SMAP1: variants seen among roughly 807,000 people sequenced by gnomAD.
SMAP1 encodes stromal membrane-associated protein 1.
SMAP1 carries 24 observed loss-of-function variants against 58.5 expected under a neutral mutation model. That is an observed-to-expected ratio of 0.41 (90% CI 0.30 to 0.58). The LOEUF (loss-of-function observed/expected upper bound fraction) is 0.58, where lower values mean the gene tolerates loss of function less well. Among genes scored for constraint, SMAP1 ranks in the 20% least tolerant of loss-of-function variants. The pLI is 0.29. For synonymous variants in SMAP1, 216 were observed against 196.6 expected (o/e 1.10, Z -0.82); for missense variants, 563 against 566.3 (o/e 0.99, Z 0.06).
At chr6:70,843,656 A>C (rs1770882924) in intron 7 of SMAP1, among the ~76,000 whole-genome samples, 1 of 152,198 alleles carries the variant, frequency 6.6e-6, no homozygotes, top group Non-Finnish European at 1.5e-5. Flanking sequence ...CGAAATAGAC[A>C]TTGGACCCAT....
Position 70,861,995 on chromosome 6 carries a change from A to T in SMAP1, c.*1661A>T. 6.4e-7 allele frequency: 1 copy of T among 1,567,224 alleles called. No homozygotes were observed. The highest frequency in any genetic ancestry group is 8.6e-7 in the Non-Finnish European group (1 of 1,162,202). On this transcript the variant is annotated 3_prime_UTR_variant, in exon 11 of 11. Transcript: ENST00000370455. ...CAGCAAATCCTTTGTGAAAAATAAAAAAAAAAAAGAGACTTTAAAATCCTG... is the reference window on the plus strand; with the variant it reads ...CAGCAAATCCTTTGTGAAAAATAAATAAAAAAAAGAGACTTTAAAATCCTG...
intron 1 of SMAP1, among the ~76,000 whole-genome samples, chr6:70,694,781 G>A (rs1057136440): frequency 1.3e-5 from 2 of 152,184 alleles, no homozygotes; most frequent in Non-Finnish European, 2.9e-5. Context: ...TATAGGGTTT[G>A]GGGGTAAAGG....
At chr6:70,682,194 TTTTTTTTTTTTTG>T (rs1766743641) in intron 1 of SMAP1, among the ~76,000 whole-genome samples, 2 of 94,216 alleles carry the variant, frequency 2.1e-5, no homozygotes, top group Non-Finnish European at 4.9e-5. Flanking sequence ...TTTTTTTTTT[TTTTTTTTTTTTTG>T]AGATAGAGTC....
At chr6:70,850,880 G>A (rs371195469) in intron 7 of SMAP1, among the ~76,000 whole-genome samples, 60 of 152,072 alleles carry the variant, frequency 3.9e-4, no homozygotes, top group African/African-American at 1.4e-3. Context: ...ACAAAGTAGC[G>A]CTTTAAGGAG....
rs577312215 is a variant in SMAP1 at position 70,679,219 on chromosome 6, A to C, written c.118+11078A>C. 5.9e-5 allele frequency among the ~76,000 whole-genome samples: 9 copies of C among 152,090 alleles called. No homozygotes were observed. The South Asian group carries it at 1.0e-3, about 18-fold the overall frequency. ...TTTTTGGTAGAGACGGAGTTTTGCT[A>C]TGTTGGCCAGGCTGGTCTCAAACCC... On this transcript the variant is annotated intron_variant, in intron 1 of 10. Coordinates refer to ENST00000370455, the MANE Select transcript of SMAP1 (RefSeq NM_001044305.3).
intron 1 of SMAP1, among the ~76,000 whole-genome samples, chr6:70,693,293 ATCT>A (rs1462352137): frequency 4.2e-5 from 5 of 120,080 alleles, no homozygotes; most frequent in Admixed American, 9.6e-5. Context: ...GAAGAATGTC[ATCT>A]TCTTTTTTTT....
chr6:70,850,334 T>G (rs1771136418), intron 7 of SMAP1, among the ~76,000 whole-genome samples: 1 of 152,154 alleles, frequency 6.6e-6, no homozygotes, highest in Non-Finnish European at 1.5e-5. Flanking sequence ...TTTCTCATGT[T>G]AAATTTTTTT....
chr6:70,743,349 C>T (rs577503324), intron 2 of SMAP1, among the ~76,000 whole-genome samples: 1 of 152,246 alleles, frequency 6.6e-6, no homozygotes, highest in African/African-American at 2.4e-5. Context: ...GTTTTTCTAC[C>T]TATGCCTTTC....
chr6:70,685,118 A>AT (rs1239152387), intron 1 of SMAP1, among the ~76,000 whole-genome samples: 1 of 151,804 alleles, frequency 6.6e-6, no homozygotes, highest in Non-Finnish European at 1.5e-5. Context: ...TTTGGTAATT[A>AT]TGCCAGGTCT....
chr6:70,728,497 G>A (rs559239708), intron 1 of SMAP1, among the ~76,000 whole-genome samples: 19 of 152,160 alleles, frequency 1.2e-4, no homozygotes, highest in Non-Finnish European at 2.5e-4. Flanking sequence ...AAACATTTGA[G>A]TATTTGACTG....
At chr6:70,670,361 A>G (rs768862893) in intron 1 of SMAP1, among the ~76,000 whole-genome samples, 67 of 152,234 alleles carry the variant, frequency 4.4e-4, no homozygotes, top group Admixed American at 7.2e-4. Flanking sequence ...ATCACAGGTA[A>G]GGCCACTTAT....
At chr6:70,783,553 A>G (rs1289205417) in intron 4 of SMAP1, among the ~76,000 whole-genome samples, 1 of 152,114 alleles carries the variant, frequency 6.6e-6, no homozygotes, top group Non-Finnish European at 1.5e-5. Flanking sequence ...AAAAACTTTG[A>G]AAAAAAATTA....
intron 2 of SMAP1, among the ~76,000 whole-genome samples, chr6:70,751,882 A>G (rs558299346): frequency 1.6e-4 from 24 of 152,280 alleles, no homozygotes; most frequent in African/African-American, 5.5e-4. Context: ...ACAAAAGTAC[A>G]TGTCACTTAT....
chr6:70,731,691 T>A (rs1282725535), intron 1 of SMAP1, among the ~76,000 whole-genome samples: 2 of 152,262 alleles, frequency 1.3e-5, no homozygotes, highest in Non-Finnish European at 2.9e-5. Flanking sequence ...GTGACCTTTT[T>A]TAATGTCAGT....
In SMAP1 at chr6:70,860,822, C is replaced by T; in HGVS notation, c.*488C>T. 2 of 396,932 alleles carry T rather than the reference C, an allele frequency of 5.0e-6. No homozygotes were observed. Among genetic ancestry groups the T allele is most frequent in the Non-Finnish European group, 4.4e-6 (1 of 224,830 alleles). The allele number at this position is 396,932 out of a possible 1,614,324, so 24.6% of individuals were successfully genotyped here. On this transcript the variant is annotated 3_prime_UTR_variant, in exon 11 of 11. Transcript: ENST00000370455. ...GTGTATCAAAATGCTCTTATTTCATCATTCACTTCACTGTGCTGTTGTTAT... is the reference window on the plus strand; with the variant it reads ...GTGTATCAAAATGCTCTTATTTCATTATTCACTTCACTGTGCTGTTGTTAT...
chr6:70,727,820 T>G (rs1031521017), intron 1 of SMAP1, among the ~76,000 whole-genome samples: 2 of 152,158 alleles, frequency 1.3e-5, no homozygotes, highest in Non-Finnish European at 2.9e-5. Context: ...CCCAGCAGTT[T>G]GAGAGGCTGA....
Position 70,860,794 on chromosome 6 carries a change from C to G in SMAP1, c.*460C>G, listed in dbSNP as rs1279038091. The G allele has an allele frequency of 2.5e-6, 1 of 398,552 alleles. No homozygotes were observed. The highest frequency in any genetic ancestry group is 4.4e-6 in the Non-Finnish European group (1 of 225,792). The allele number at this position is 398,552 out of a possible 1,614,324, so 24.7% of individuals were successfully genotyped here. ...TAAATGTCTCACTGAGCACTGTTTT[C>G]TAGTGTATCAAAATGCTCTTATTTC... On this transcript the variant is annotated 3_prime_UTR_variant, in exon 11 of 11. Coordinates refer to ENST00000370455, the MANE Select transcript of SMAP1 (RefSeq NM_001044305.3).
chr6:70,680,374 GAC>G (rs1276208646), intron 1 of SMAP1, among the ~76,000 whole-genome samples: 1 of 152,132 alleles, frequency 6.6e-6, no homozygotes, highest in African/African-American at 2.4e-5. Context: ...CTTTTCAAGA[GAC>G]ACTTAAAAAT....
intron 1 of SMAP1, among the ~76,000 whole-genome samples, chr6:70,713,038 C>A (rs957021423): frequency 3.4e-4 from 51 of 152,072 alleles, no homozygotes; most frequent in African/African-American, 1.2e-3. Flanking sequence ...AATGATCCAC[C>A]CACCTCGGCC....
Sources: allele counts gnomAD v4.1 joint callset (sites outside exome capture counted in the v4.1 genomes callset), GRCh38; gene constraint gnomAD v4.1.1; transcripts MANE v1.5; gene names NCBI Gene and HGNC (gene_info 2026-07-23, HGNC 2026-07-21).